BACE2: variants seen among roughly 807,000 people sequenced by gnomAD.
BACE2 encodes the protein beta-secretase 2.
A neutral mutation model predicts 46.2 loss-of-function variants in BACE2; 17 were observed. The ratio of observed to expected loss-of-function variants is 0.37; its 90% CI spans 0.25 to 0.55. The LOEUF (loss-of-function observed/expected upper bound fraction) is 0.55, where lower values mean the gene tolerates loss of function less well. Among genes scored for constraint, BACE2 ranks in the 20% least tolerant of loss-of-function variants. The pLI, the probability that BACE2 is intolerant of heterozygous loss-of-function variation, is 0.82. For missense variants in BACE2, 595 were observed against 698.1 expected (o/e 0.85, Z 1.66); for synonymous variants, 277 against 295.9 (o/e 0.94, Z 0.66).
intron 8 of BACE2, among the ~76,000 whole-genome samples, chr21:41,259,219 G>A (rs1987866556): frequency 6.6e-6 from 1 of 152,116 alleles, no homozygotes; most frequent in Admixed American, 6.5e-5. Context: ...TTATTTGCTA[G>A]ATGCTCTTAT....
At chr21:41,227,671 C>T (rs1209446864) in intron 2 of BACE2, among the ~76,000 whole-genome samples, 2 of 152,186 alleles carry the variant, frequency 1.3e-5, no homozygotes, top group Non-Finnish European at 2.9e-5. Context: ...CTGGCCCCTC[C>T]CTCAAGGAAC....
rs549035447 is a variant in BACE2, at chr21:41,220,211, GC to G, written c.313-6048del. On this transcript the variant is annotated intron_variant, in intron 1 of 8. Coordinates refer to ENST00000330333, the MANE Select transcript of BACE2 (RefSeq NM_012105.5). ...AGGGGGACAGGTACAGAACTTCCGT[GC>G]CCCCCCTGTACACGCCACCCTCCGG... Among the ~76,000 whole-genome samples, 101 of 152,198 alleles carry G rather than the reference GC, an allele frequency of 6.6e-4. 3 individuals carry two copies. In the South Asian group the frequency reaches 0.02, roughly 29 times the overall value.
At chr21:41,179,268 G>T in intron 1 of BACE2, 1 of 1,300,852 alleles carries the variant, frequency 7.7e-7, no homozygotes, top group Non-Finnish European at 1.0e-6. Flanking sequence ...AGTCCAGGGT[G>T]AGGAGTGAGG....
At chr21:41,217,627 G>C (rs1254417252) in intron 1 of BACE2, among the ~76,000 whole-genome samples, 1 of 151,450 alleles carries the variant, frequency 6.6e-6, no homozygotes, top group Non-Finnish European at 1.5e-5. Context: ...CTGGGTGCTG[G>C]ACACGTTGTA....
intron 1 of BACE2, among the ~76,000 whole-genome samples, chr21:41,205,599 C>T (rs10483074): frequency 0.12 from 18,949 of 152,202 alleles, 3,841 homozygotes; most frequent in African/African-American, 0.43. Context: ...TTGTGTCTTA[C>T]ATAGTATAAT....
intron 1 of BACE2, among the ~76,000 whole-genome samples, chr21:41,185,966 G>A (rs1985360152): frequency 6.6e-6 from 1 of 152,148 alleles, no homozygotes; most frequent in Admixed American, 6.5e-5. Context: ...CTCCAAACAA[G>A]ACATACATGT....
intron 2 of BACE2, among the ~76,000 whole-genome samples, chr21:41,235,042 C>A (rs571145111): frequency 6.6e-6 from 1 of 152,212 alleles, no homozygotes; most frequent in Non-Finnish European, 1.5e-5. Context: ...TTAGAATCAG[C>A]TGTTTCCCCC....
intron 7 of BACE2, 71 bp from the exon 8 acceptor site, chr21:41,257,087 T>A: frequency 1.9e-6 from 3 of 1,588,656 alleles, no homozygotes; most frequent in Non-Finnish European, 2.6e-6. Flanking sequence ...GCGTGTGACC[T>A]CAGCAATTTT....
At chr21:41,234,933 T>C (rs937220385) in intron 2 of BACE2, among the ~76,000 whole-genome samples, 5 of 152,222 alleles carry the variant, frequency 3.3e-5, no homozygotes, top group Non-Finnish European at 5.9e-5. Flanking sequence ...AAACATTCAC[T>C]GAATGCCTCT....
chr21:41,213,962 C>G (rs1420260820), intron 1 of BACE2, among the ~76,000 whole-genome samples: 1 of 152,156 alleles, frequency 6.6e-6, no homozygotes, highest in Non-Finnish European at 1.5e-5. Context: ...TGTCCCTGGT[C>G]ACCAGGAGGC....
At chr21:41,216,792 C>T (rs1316190545) in intron 1 of BACE2, among the ~76,000 whole-genome samples, 1 of 152,166 alleles carries the variant, frequency 6.6e-6, no homozygotes, top group Non-Finnish European at 1.5e-5. Flanking sequence ...CCAGCCTGAC[C>T]GGCCGGGTGT....
intron 2 of BACE2, among the ~76,000 whole-genome samples, chr21:41,226,763 T>C (rs1305369742): frequency 6.6e-6 from 1 of 152,196 alleles, no homozygotes; most frequent in Non-Finnish European, 1.5e-5. Flanking sequence ...TGGGTTTGCT[T>C]CCTCAGCTGA....
chr21:41,241,885 T>C lies in BACE2; in HGVS notation c.685T>C (p.Ser229Pro). The C allele has an allele frequency of 6.2e-7, 1 of 1,614,162 alleles. No homozygotes were observed. The highest frequency in any genetic ancestry group is 8.5e-7 in the Non-Finnish European group (1 of 1,180,022). The change falls in exon 4 of 9, where the codon TCC becomes CCC. Residue 229 changes from serine to proline, a missense_variant. This residue lies in a region of BACE2 where 343 missense variants were observed against 419.4 expected (regional missense o/e 0.82). Transcript: ENST00000330333. The part of the protein sequence containing the change: ...VTQANIPNVF[S>P]MQMCGAGLPV... ...ACAAGCAAACATCCCCAACGTTTTC[T>C]CCATGCAGATGTGTGGAGCCGGCTT...
At chr21:41,263,941 A>G (rs1988002521) in intron 8 of BACE2, among the ~76,000 whole-genome samples, 1 of 152,216 alleles carries the variant, frequency 6.6e-6, no homozygotes, top group South Asian at 2.1e-4. Context: ...TGCCTCATGC[A>G]CATTCTTTCT....
intron 1 of BACE2, among the ~76,000 whole-genome samples, chr21:41,199,048 T>C (rs1451393584): frequency 9.6e-6 from 1 of 104,134 alleles, no homozygotes; most frequent in African/African-American, 3.9e-5. Flanking sequence ...CAGGCCCCCA[T>C]GTGTGATGTT....
chr21:41,176,498 C>T (rs1236691274), intron 1 of BACE2: 3 of 152,242 alleles, frequency 2.0e-5, no homozygotes, highest in African/African-American at 7.2e-5. Context: ...GCCACGCTGG[C>T]CCCAGCCATT....
intron 8 of BACE2, among the ~76,000 whole-genome samples, chr21:41,268,206 T>A (rs1479303581): frequency 1.3e-5 from 2 of 152,164 alleles, no homozygotes; most frequent in Admixed American, 1.3e-4. Flanking sequence ...TTACCTTCAT[T>A]TTATAGATGA....
chr21:41,249,375 C>T (rs987803267), intron 6 of BACE2, among the ~76,000 whole-genome samples: 12 of 149,512 alleles, frequency 8.0e-5, no homozygotes, highest in African/African-American at 3.0e-4. Flanking sequence ...TAGTGAGCCC[C>T]ACATGTACAC....
chr21:41,168,285 C>T lies in BACE2; in HGVS notation c.22C>T (p.Leu8=). 8.0e-7 allele frequency: 1 copy of T among 1,257,746 alleles called. No homozygotes were observed. The highest frequency in any genetic ancestry group is 1.0e-6 in the Non-Finnish European group (1 of 1,003,590). 77.9% of individuals were successfully genotyped at this position (1,257,746 alleles called of 1,614,324 possible). A position where few individuals can be genotyped will look rare whatever the true frequency, so the allele number is the denominator to read the frequency against. MGALARA[L]LLPLLAQWLL... ...GGGCATGGGCGCACTGGCCCGGGCG[C>T]TGCTGCTGCCTCTGCTGGCCCAGTG... is the stretch of plus-strand genomic sequence containing the variant. Residue 8 remains leucine (L), a synonymous_variant, in exon 1 of 9, where the codon CTG becomes TTG. Coordinates refer to ENST00000330333, the MANE Select transcript of BACE2 (RefSeq NM_012105.5).
Sources: gnomAD v4.1 joint callset for allele counts (sites outside exome capture counted in the v4.1 genomes callset) on GRCh38, gnomAD v4.1.1 for gene constraint, gnomAD v4.1.1 regional missense constraint, MANE v1.5 for transcripts, NCBI Gene and HGNC (gene_info 2026-07-23, HGNC 2026-07-21) for gene names.